Variants in CMTM7 observed in about 807,000 individuals in gnomAD.
The protein encoded by CMTM7 is CKLF like MARVEL transmembrane domain containing 7, also known as CKLF-like MARVEL transmembrane domain-containing protein 7.
In CMTM7, 7 loss-of-function variants were observed where a neutral mutation model predicts 19.3. The observed-to-expected ratio is 0.36, with a 90% CI of 0.21 to 0.68. CMTM7 has a LOEUF of 0.68. Ranked by LOEUF, CMTM7 falls within the 30% of genes least tolerant of loss-of-function variation. CMTM7 has a pLI of 0.60. For missense variants in CMTM7, 193 were observed against 232.6 expected (o/e 0.83, Z 1.11); for synonymous variants, 87 against 99.3 (o/e 0.88, Z 0.74).
At chr3:32,444,123 A>G (rs2125641350) in intron 2 of CMTM7, among the ~76,000 whole-genome samples, 1 of 152,248 alleles carries the variant, frequency 6.6e-6, no homozygotes, top group Non-Finnish European at 1.5e-5. Context: ...ATAAGAAGCC[A>G]TTTCCAAATT....
At chr3:32,429,789 C>T (rs1009149900) in intron 1 of CMTM7, among the ~76,000 whole-genome samples, 4 of 151,990 alleles carry the variant, frequency 2.6e-5, no homozygotes, top group Admixed American at 1.3e-4. Flanking sequence ...TTAGTAGAGA[C>T]GGGGTTTCAC....
At chr3:32,404,162 C>CTTTTTTTTTTTTTT (rs5847761) in intron 1 of CMTM7, among the ~76,000 whole-genome samples, 5 of 74,686 alleles carry the variant, frequency 6.7e-5, no homozygotes, top group African/African-American at 7.9e-5. Context: ...CTTTTTTTTT[C>CTTTTTTTTTTTTTT]TTTTTTTTTT....
At chr3:32,418,774 G>A (rs1289053875) in intron 1 of CMTM7, among the ~76,000 whole-genome samples, 4 of 152,182 alleles carry the variant, frequency 2.6e-5, no homozygotes, top group Admixed American at 2.6e-4. Context: ...GCTTTCACCA[G>A]TACCACACTG....
At position 32,449,274 on chromosome 3, in the gene CMTM7, C is replaced by T. The variant is rs1466209083; in HGVS notation, c.334-180C>T. Reference sequence around the variant, plus strand: ...CACTTCTGTCTTGCTTGGCCTCTTCCTGGTCAGCCCGCATGTTGGCTGCCT... The same window carrying T: ...CACTTCTGTCTTGCTTGGCCTCTTCTTGGTCAGCCCGCATGTTGGCTGCCT... On this transcript the variant is annotated intron_variant, in intron 2 of 4. Transcript: ENST00000334983. The surrounding 1 kb of genome is among the most constrained non-coding windows in gnomAD (Gnocchi z 4.5). Among the ~76,000 whole-genome samples the T allele has an allele frequency of 6.6e-6, 1 of 152,196 alleles. No individual in the cohort carries two copies. Among genetic ancestry groups the T allele is most frequent in the East Asian group, 1.9e-4 (1 of 5,194 alleles).
chr3:32,442,739 C>A (rs1045789636), intron 2 of CMTM7, among the ~76,000 whole-genome samples: 9 of 152,048 alleles, frequency 5.9e-5, no homozygotes, highest in Non-Finnish European at 1.3e-4. Flanking sequence ...ACTTTTTCTT[C>A]CCACTGTATT....
Position 32,427,724 on chromosome 3 carries a change from G to A in CMTM7, c.160-14116G>A, listed in dbSNP as rs940343155. ...TCTAGAAGCAGGAGTTTGGCAGGGGGCAGATTAAAGGATAGAGAATGACCT... is the reference window on the plus strand; with the variant it reads ...TCTAGAAGCAGGAGTTTGGCAGGGGACAGATTAAAGGATAGAGAATGACCT... On this transcript the variant is annotated intron_variant, in intron 1 of 4. Coordinates refer to ENST00000334983, the MANE Select transcript of CMTM7 (RefSeq NM_138410.4). 5.3e-5 allele frequency among the ~76,000 whole-genome samples: 8 copies of A among 152,252 alleles called. No individual in the cohort carries two copies. The South Asian group carries it at 1.7e-3, about 32-fold the overall frequency.
At chr3:32,424,454 G>A (rs966110233) in intron 1 of CMTM7, among the ~76,000 whole-genome samples, 1 of 152,170 alleles carries the variant, frequency 6.6e-6, no homozygotes, top group Non-Finnish European at 1.5e-5. Flanking sequence ...TTCTGCAAGA[G>A]CATATGAGAC....
At chr3:32,415,374 A>G (rs915859532) in intron 1 of CMTM7, among the ~76,000 whole-genome samples, 1 of 152,216 alleles carries the variant, frequency 6.6e-6, no homozygotes, top group Admixed American at 6.5e-5. Flanking sequence ...GCAAACCAGC[A>G]GGGACCTGAG....
chr3:32,408,268 G>T (rs1358095839), intron 1 of CMTM7, among the ~76,000 whole-genome samples: 1 of 152,204 alleles, frequency 6.6e-6, no homozygotes, highest in African/African-American at 2.4e-5. Flanking sequence ...CACCAAATCT[G>T]TAAGCTTGCT....
At chr3:32,417,178 A>T (rs1696280452) in intron 1 of CMTM7, among the ~76,000 whole-genome samples, 1 of 152,202 alleles carries the variant, frequency 6.6e-6, no homozygotes, top group Non-Finnish European at 1.5e-5. Flanking sequence ...CACAGTGTGT[A>T]CAGAACAGTT....
At chr3:32,395,240 A>G (rs1384216655) in intron 1 of CMTM7, among the ~76,000 whole-genome samples, 3 of 152,226 alleles carry the variant, frequency 2.0e-5, no homozygotes, top group Admixed American at 6.5e-5. Context: ...TAGAGATTCA[A>G]GGGATCTGTC....
intron 1 of CMTM7, among the ~76,000 whole-genome samples, chr3:32,417,160 T>C (rs1696280220): frequency 6.6e-6 from 1 of 152,224 alleles, no homozygotes; most frequent in South Asian, 2.1e-4. Context: ...GAGTTATAGA[T>C]CCGTCACCAC....
chr3:32,410,885 A>AT (rs1696163467), intron 1 of CMTM7, among the ~76,000 whole-genome samples: 1 of 152,232 alleles, frequency 6.6e-6, no homozygotes, highest in African/African-American at 2.4e-5. Flanking sequence ...AGGGTTTCTA[A>AT]TTTAAAGCAA....
At chr3:32,410,602 G>A (rs144296181) in intron 1 of CMTM7, among the ~76,000 whole-genome samples, 61 of 151,686 alleles carry the variant, frequency 4.0e-4, no homozygotes, top group African/African-American at 1.2e-3. Context: ...TCAAGCCTGC[G>A]GGCCAAGAAG....
chr3:32,412,632 T>C (rs1317363902), intron 1 of CMTM7, among the ~76,000 whole-genome samples: 4 of 151,616 alleles, frequency 2.6e-5, no homozygotes, highest in African/African-American at 9.7e-5. Context: ...GTTTTTGAGA[T>C]GTTTGTTACT....
chr3:32,431,669 G>C (rs922462992), intron 1 of CMTM7, among the ~76,000 whole-genome samples: 1 of 152,204 alleles, frequency 6.6e-6, no homozygotes, highest in African/African-American at 2.4e-5. Flanking sequence ...CAATGGAGCA[G>C]CATAGTGGTT....
intron 1 of CMTM7, among the ~76,000 whole-genome samples, chr3:32,394,526 G>A (rs993418220): frequency 1.3e-5 from 2 of 151,922 alleles, no homozygotes; most frequent in African/African-American, 4.8e-5. Context: ...GCCTCTTCTG[G>A]GTCCACCATT....
At chr3:32,433,959 G>A (rs1431402078) in intron 1 of CMTM7, among the ~76,000 whole-genome samples, 1 of 151,994 alleles carries the variant, frequency 6.6e-6, no homozygotes, top group African/African-American at 2.4e-5. Context: ...AGGCCGAGGC[G>A]GGTGAATCAC....
chr3:32,407,206 C>T lies in CMTM7; in HGVS notation c.159+15141C>T, dbSNP rs115659576. On this transcript the variant is annotated intron_variant, in intron 1 of 4. Transcript: ENST00000334983. Reference sequence around the variant, plus strand: ...TACAAATCTGACCGCACCTTCCTTCCGCTTGCAAACCTGGCTTATTTGTTT... The same window carrying T: ...TACAAATCTGACCGCACCTTCCTTCTGCTTGCAAACCTGGCTTATTTGTTT... 5.8e-3 allele frequency among the ~76,000 whole-genome samples: 886 copies of T among 152,270 alleles called. 8 individuals carry two copies. Among genetic ancestry groups the T allele is most frequent in the African/African-American group, 0.017 (693 of 41,554 alleles).
Sources: gnomAD v4.1 joint callset for allele counts (sites outside exome capture counted in the v4.1 genomes callset) on GRCh38, gnomAD v4.1.1 for gene constraint, Gnocchi (gnomAD v3.1) non-coding constraint, MANE v1.5 for transcripts, NCBI Gene and HGNC (gene_info 2026-07-23, HGNC 2026-07-21) for gene names.